Variants in RIT2 observed in about 807,000 individuals in gnomAD.
RIT2 encodes Ras like without CAAX 2, also known as GTP-binding protein Rit2.
Under a neutral mutation model 23.7 loss-of-function variants are expected in RIT2, and 24 were observed. The ratio of observed to expected loss-of-function variants is 1.01; its 90% CI spans 0.73 to 1.43. The LOEUF is 1.43. RIT2 is among the 40% of genes most tolerant of loss of function. RIT2 has a pLI of 0.00. For missense variants in RIT2, 236 were observed against 266.9 expected, an observed-to-expected ratio of 0.88 and a Z score of 0.81; for synonymous variants, 107 against 91.1, an observed-to-expected ratio of 1.17 and a Z score of -0.99.
At chr18:42,745,458 C>T (rs538450226) in intron 4 of RIT2, among the ~76,000 whole-genome samples, 1 of 152,278 alleles carries the variant, frequency 6.6e-6, no homozygotes, top group South Asian at 2.1e-4. Flanking sequence ...ACAGGTTCTT[C>T]ACTCTAGTCT....
At chr18:43,088,199 T>A (rs1413156322) in intron 1 of RIT2, among the ~76,000 whole-genome samples, 1 of 152,226 alleles carries the variant, frequency 6.6e-6, no homozygotes, top group African/African-American at 2.4e-5. Flanking sequence ...CTTTGAAGAC[T>A]TTCAAAATGT....
At chr18:43,007,269 T>G (rs1462950692) in intron 2 of RIT2, among the ~76,000 whole-genome samples, 1 of 151,742 alleles carries the variant, frequency 6.6e-6, no homozygotes, top group East Asian at 1.9e-4. Context: ...AGGGAGAGGA[T>G]GTCATGGCTA....
intron 2 of RIT2, among the ~76,000 whole-genome samples, chr18:42,975,118 G>T (rs902130739): frequency 2.0e-5 from 3 of 151,922 alleles, no homozygotes; most frequent in Admixed American, 6.6e-5. Context: ...AACCTCACTG[G>T]CATCTGCTAT....
chr18:42,868,949 G>T (rs971880066), intron 4 of RIT2, among the ~76,000 whole-genome samples: 1 of 152,178 alleles, frequency 6.6e-6, no homozygotes, highest in Non-Finnish European at 1.5e-5. Flanking sequence ...TGAATTAAGG[G>T]GCTTTCACTT....
At chr18:43,084,862 C>T (rs536870526) in intron 1 of RIT2, among the ~76,000 whole-genome samples, 10 of 152,210 alleles carry the variant, frequency 6.6e-5, no homozygotes, top group African/African-American at 2.2e-4. Context: ...CAAACCTGCA[C>T]GTTCTGTACA....
At chr18:42,787,009 A>G (rs1598653431) in intron 4 of RIT2, among the ~76,000 whole-genome samples, 1 of 152,272 alleles carries the variant, frequency 6.6e-6, no homozygotes, top group African/African-American at 2.4e-5. Flanking sequence ...AATTTCCAGG[A>G]AAAAGAAAAT....
chr18:43,048,714 T>C (rs1912308837), intron 1 of RIT2, among the ~76,000 whole-genome samples: 1 of 152,194 alleles, frequency 6.6e-6, no homozygotes, highest in Non-Finnish European at 1.5e-5. Context: ...TTCATCATGG[T>C]CTCAGGGTCT....
At chr18:42,819,946 G>A (rs1169756219) in intron 4 of RIT2, among the ~76,000 whole-genome samples, 1 of 152,032 alleles carries the variant, frequency 6.6e-6, no homozygotes, top group Admixed American at 6.6e-5. Flanking sequence ...AAAGGCCAGA[G>A]CATTTGCATA....
intron 1 of RIT2, among the ~76,000 whole-genome samples, chr18:43,061,867 C>T (rs1912654656): frequency 6.6e-6 from 1 of 152,052 alleles, no homozygotes; most frequent in Admixed American, 6.6e-5. Flanking sequence ...GAACAAGAAC[C>T]TGGAACTCGC....
chr18:42,903,554 TACG>T (rs1244562057), intron 4 of RIT2, among the ~76,000 whole-genome samples: 6 of 152,102 alleles, frequency 3.9e-5, no homozygotes, highest in Admixed American at 1.3e-4. Flanking sequence ...TAGATGAATA[TACG>T]ACATTTATTT....
chr18:42,990,761 A>G (rs1910823045), intron 2 of RIT2, among the ~76,000 whole-genome samples: 1 of 151,632 alleles, frequency 6.6e-6, no homozygotes, highest in South Asian at 2.1e-4. Context: ...AATTTGCACA[A>G]CACACTGTGA....
intron 3 of RIT2, among the ~76,000 whole-genome samples, chr18:42,963,672 C>A (rs560494302): frequency 6.6e-6 from 1 of 152,086 alleles, no homozygotes; most frequent in African/African-American, 2.4e-5. Flanking sequence ...GAGGGCTGAT[C>A]GCTTGAGGTT....
intron 4 of RIT2, among the ~76,000 whole-genome samples, chr18:42,921,486 A>T (rs573783554): frequency 6.6e-6 from 1 of 152,278 alleles, no homozygotes; most frequent in South Asian, 2.1e-4. Context: ...AGGAGCAGCT[A>T]ATTAACCAGG....
intron 4 of RIT2, among the ~76,000 whole-genome samples, chr18:42,810,446 A>AT (rs907382208): frequency 3.7e-4 from 54 of 147,942 alleles, no homozygotes; most frequent in African/African-American, 7.6e-4. Context: ...TAACCTATTA[A>AT]TTTTTTTTTT....
chr18:43,094,065 AAATT>A, intron 1 of RIT2, among the ~76,000 whole-genome samples: 1 of 151,746 alleles, frequency 6.6e-6, no homozygotes, highest in South Asian at 2.1e-4. Flanking sequence ...TAAAAATTCA[AAATT>A]TATGCAAAAA....
intron 3 of RIT2, among the ~76,000 whole-genome samples, chr18:42,937,832 AGTAATT>A (rs1448236318): frequency 1.3e-5 from 2 of 152,336 alleles, no homozygotes; most frequent in African/African-American, 4.8e-5. Context: ...CTCAGAAAAT[AGTAATT>A]GTAACTATTT....
chr18:42,908,663 C>T (rs1037178661), intron 4 of RIT2, among the ~76,000 whole-genome samples: 1 of 151,982 alleles, frequency 6.6e-6, no homozygotes, highest in Non-Finnish European at 1.5e-5. Flanking sequence ...GCGGTCAATC[C>T]CAAATTGTGT....
intron 1 of RIT2, among the ~76,000 whole-genome samples, chr18:43,104,812 T>G (rs1913770097): frequency 6.6e-6 from 1 of 152,196 alleles, no homozygotes; most frequent in Non-Finnish European, 1.5e-5. Context: ...GCCTGATTTC[T>G]TCAATTAAAC....
At chr18:43,062,013 C>A (rs1912658213) in intron 1 of RIT2, among the ~76,000 whole-genome samples, 1 of 151,982 alleles carries the variant, frequency 6.6e-6, no homozygotes, top group South Asian at 2.1e-4. Context: ...TCCCTCTAGC[C>A]CACCAAAAAC....
Sources: gnomAD v4.1 joint callset for allele counts (sites outside exome capture counted in the v4.1 genomes callset) on GRCh38, gnomAD v4.1.1 for gene constraint, MANE v1.5 for transcripts, NCBI Gene and HGNC (gene_info 2026-07-23, HGNC 2026-07-21) for gene names.